BMS1: variants seen among roughly 807,000 people sequenced by gnomAD.
The protein encoded by BMS1 is BMS1 ribosome biogenesis factor, also known as ribosome biogenesis protein BMS1 homolog.
BMS1 carries 53 observed loss-of-function variants against 138.7 expected under a neutral mutation model. The observed-to-expected ratio is 0.38, with a 90% CI of 0.31 to 0.48. The LOEUF (loss-of-function observed/expected upper bound fraction) is 0.48, where lower values mean the gene tolerates loss of function less well. BMS1 is among the 20% of genes least tolerant of loss of function. The pLI is 0.97. For missense variants in BMS1, 1,360 were observed against 1,565.5 expected (o/e 0.87, Z 2.22); for synonymous variants, 504 against 539.9 (o/e 0.93, Z 0.92).
At chr10:42,786,262 GT>G (rs1327138324) in intron 3 of BMS1, among the ~76,000 whole-genome samples, 1 of 152,194 alleles carries the variant, frequency 6.6e-6, no homozygotes, top group African/African-American at 2.4e-5. Context: ...TCTTTTTCCT[GT>G]GAGAATTGTC....
intron 14 of BMS1, 65 bp from the exon 15 acceptor site, chr10:42,817,253 A>G: frequency 1.6e-6 from 2 of 1,251,444 alleles, no homozygotes; most frequent in Non-Finnish European, 2.2e-6. Context: ...AACTTTAAAA[A>G]AGCTAATGTT....
intron 21 of BMS1, among the ~76,000 whole-genome samples, chr10:42,826,119 C>T (rs537627166): frequency 2.0e-5 from 3 of 152,276 alleles, no homozygotes; most frequent in East Asian, 1.9e-4. Flanking sequence ...ATAAATCCCA[C>T]TTAAACACGA....
chr10:42,789,304 C>A (rs1475060902), intron 4 of BMS1, among the ~76,000 whole-genome samples: 1 of 152,202 alleles, frequency 6.6e-6, no homozygotes, highest in African/African-American at 2.4e-5. Flanking sequence ...CTGCCTCAGT[C>A]CACAGTAGCA....
At chr10:42,793,582 G>C (rs1337804473) in intron 8 of BMS1, among the ~76,000 whole-genome samples, 1 of 152,160 alleles carries the variant, frequency 6.6e-6, no homozygotes, top group Non-Finnish European at 1.5e-5. Flanking sequence ...TATTAGAAAA[G>C]CTAGCATTGT....
intron 13 of BMS1, among the ~76,000 whole-genome samples, chr10:42,813,935 G>A (rs1842262386): frequency 2.0e-5 from 3 of 151,842 alleles, no homozygotes; most frequent in Non-Finnish European, 4.4e-5. Context: ...TGGTTTTTTT[G>A]TTTGTTTCTT....
chr10:42,814,208 G>T (rs1312548017), intron 13 of BMS1, among the ~76,000 whole-genome samples: 1 of 152,188 alleles, frequency 6.6e-6, no homozygotes, highest in African/African-American at 2.4e-5. Context: ...TCTCCTGTGG[G>T]ACTCAGATAA....
chr10:42,791,354 A>G (rs535569513), intron 5 of BMS1, among the ~76,000 whole-genome samples: 32 of 152,178 alleles, frequency 2.1e-4, no homozygotes, highest in African/African-American at 7.0e-4. Context: ...GCTCTGGACC[A>G]TTGGCCACAG....
chr10:42,793,066 G>A lies in BMS1; in HGVS notation c.1011G>A (p.Ala337=), dbSNP rs781490170. 41 of 1,613,988 alleles carry A rather than the reference G, an allele frequency of 2.5e-5. No individual in the cohort carries two copies. The highest frequency in any genetic ancestry group is 3.3e-4 in the Middle Eastern group (2 of 6,060). The part of the protein sequence containing the change: ...CLNEKEKLVY[A]PLSGVGGVLY... ...ATGAGAAGGAGAAGCTGGTTTATGC[G>A]CCTCTTTCTGGAGTTGGGGGTGTGC... The change falls in exon 8 of 23, where the codon GCG becomes GCA. Residue 337 remains alanine (A), a synonymous_variant. Coordinates refer to ENST00000374518, the MANE Select transcript of BMS1 (RefSeq NM_014753.4).
intron 5 of BMS1, among the ~76,000 whole-genome samples, 161 bp from the exon 6 acceptor site, chr10:42,791,466 A>T (rs1292651636): frequency 1.3e-5 from 2 of 152,190 alleles, no homozygotes; most frequent in Non-Finnish European, 2.9e-5. Flanking sequence ...GGGTTCTAAT[A>T]AATCCTGAAA....
At chr10:42,826,745 C>T (rs1378133237) in intron 21 of BMS1, among the ~76,000 whole-genome samples, 2 of 152,190 alleles carry the variant, frequency 1.3e-5, no homozygotes, top group Non-Finnish European at 2.9e-5. Flanking sequence ...TGTGGCTGCT[C>T]AGCTCAGCCA....
At position 42,823,678 on chromosome 10, in the gene BMS1, T is replaced by C; in HGVS notation, c.3350T>C (p.Leu1117Ser). ...PAFYNPVTSL[L>S]KPVGEKDTWS... ...TTCTATAACCCAGTAACATCTTTGT[T>C]GAAACCAGTGGGTGAGAAAGACACC... is the stretch of plus-strand genomic sequence containing the variant. The change falls in exon 21 of 23, where the codon TTG (leucine) becomes TCG (serine). Residue 1117 changes from leucine (L) to serine (S), a missense_variant. Physicochemically the swap from Leu to Ser is moderately radical, Grantham distance 145. Around this residue, in one of 3 missense-constraint regions of BMS1, gnomAD observed 425 missense variants for 568.3 expected, o/e 0.75. Transcript: ENST00000374518. 1 of 1,596,106 alleles carries C rather than the reference T, an allele frequency of 6.3e-7. No individual in the cohort carries two copies. The highest frequency in any genetic ancestry group is 8.5e-7 in the Non-Finnish European group (1 of 1,179,624).
chr10:42,828,375 G>A (rs1194789097), intron 21 of BMS1, among the ~76,000 whole-genome samples: 4 of 152,096 alleles, frequency 2.6e-5, no homozygotes, highest in Admixed American at 6.6e-5. Flanking sequence ...ATTTTTGGCC[G>A]TTATCCCACG....
chr10:42,784,002 T>G lies in BMS1; in HGVS notation c.-33-360T>G, dbSNP rs73252887. 3.4e-3 allele frequency among the ~76,000 whole-genome samples: 523 copies of G among 152,346 alleles called. 2 individuals carry two copies. Among genetic ancestry groups the G allele is most frequent in the African/African-American group, 0.012 (498 of 41,574 alleles). On this transcript the variant is annotated intron_variant, in intron 1 of 22. Coordinates refer to ENST00000374518, the MANE Select transcript of BMS1 (RefSeq NM_014753.4). Reference sequence around the variant, plus strand: ...AATGAAATTAATTAAAAACTCATTTTTTCAGTTTCCCTAAGTATATTGTAA... The same window carrying G: ...AATGAAATTAATTAAAAACTCATTTGTTCAGTTTCCCTAAGTATATTGTAA...
rs570608821 is a variant in BMS1, at chr10:42,791,591, T to C, written c.637-36T>C. 2.5e-5 allele frequency: 39 copies of C among 1,563,608 alleles called. 1 individual carries two copies. In the South Asian group the frequency reaches 4.2e-4, roughly 17 times the overall value. ...TGTTGCAGTATTGATGATAATTTAA[T>C]TGAAATTTAATTTTTAATTTTCCTC... On this transcript the variant is annotated intron_variant, in intron 5 of 22. Transcript: ENST00000374518.
At chr10:42,787,391 TTGA>T (rs1841369949) in intron 4 of BMS1, 144 bp downstream of exon 4, 1 of 712,292 alleles carries the variant, frequency 1.4e-6, no homozygotes, top group African/African-American at 1.8e-5. Flanking sequence ...TATGATTGAA[TTGA>T]TGATAATTAT....
intron 4 of BMS1, among the ~76,000 whole-genome samples, chr10:42,789,549 T>A (rs1841439266): frequency 6.6e-6 from 1 of 152,160 alleles, no homozygotes; most frequent in Non-Finnish European, 1.5e-5. Context: ...TGGTCTCATC[T>A]GCTTATATTT....
chr10:42,793,192 T>C (rs774380210), intron 8 of BMS1, 48 bp downstream of exon 8: 2 of 1,509,724 alleles, frequency 1.3e-6, no homozygotes, highest in Non-Finnish European at 8.8e-7. Flanking sequence ...GTATTCTTTC[T>C]GAATCTATTT....
chr10:42,784,714 G>A (rs1841270534), intron 2 of BMS1, 144 bp downstream of exon 2: 11 of 961,766 alleles, frequency 1.1e-5, no homozygotes, highest in Non-Finnish European at 1.4e-5. Context: ...TCACTAAAAC[G>A]TGAGAAGCTT....
chr10:42,789,761 C>G (rs1484663605), intron 4 of BMS1, among the ~76,000 whole-genome samples: 1 of 151,994 alleles, frequency 6.6e-6, no homozygotes, highest in Non-Finnish European at 1.5e-5. Flanking sequence ...GGTTGGTTTT[C>G]TGTACATATT....
Sources: allele counts gnomAD v4.1 joint callset (sites outside exome capture counted in the v4.1 genomes callset), GRCh38; gene constraint gnomAD v4.1.1; regional missense constraint gnomAD v4.1.1; transcripts MANE v1.5; gene names NCBI Gene and HGNC (gene_info 2026-07-23, HGNC 2026-07-21).